The following SRRM3 variants were observed in gnomAD, a reference collection of about 807,000 sequenced individuals.
SRRM3 encodes the protein serine/arginine repetitive matrix protein 3.
Under a neutral mutation model 66.2 loss-of-function variants are expected in SRRM3, and 27 were observed. That is an observed-to-expected ratio of 0.41 (90% CI 0.30 to 0.56). SRRM3 has a LOEUF of 0.56. Ranked by LOEUF, SRRM3 falls within the 20% of genes least tolerant of loss-of-function variation. SRRM3 has a pLI of 0.32. For synonymous variants in SRRM3, 391 were observed against 414.9 expected, an observed-to-expected ratio of 0.94 and a Z score of 0.70; for missense variants, 918 against 991.9, an observed-to-expected ratio of 0.93 and a Z score of 1.00.
chr7:76,266,279 T>TAAA (rs1563635107), intron 10 of SRRM3, among the ~76,000 whole-genome samples: 1 of 118,238 alleles, frequency 8.5e-6, no homozygotes, highest in African/African-American at 3.5e-5. Context: ...TTTAATTATA[T>TAAA]TATATATTTA....
intron 1 of SRRM3, among the ~76,000 whole-genome samples, chr7:76,229,713 T>G (rs976249231): frequency 6.6e-5 from 10 of 151,962 alleles, no homozygotes; most frequent in Non-Finnish European, 7.4e-5. Context: ...CACTTTTCAC[T>G]ATCCTGTTTC....
chr7:76,237,410 T>C (rs1462490374), intron 2 of SRRM3, among the ~76,000 whole-genome samples: 2 of 150,548 alleles, frequency 1.3e-5, no homozygotes, highest in East Asian at 1.9e-4. Flanking sequence ...CGTCTCAAAA[T>C]AAAAATAAAA....
chr7:76,268,946 T>C (rs751066358), intron 11 of SRRM3: 1 of 152,192 alleles, frequency 6.6e-6, no homozygotes, highest in Non-Finnish European at 1.5e-5. Context: ...CTTGCCAGCT[T>C]CTCATCCACC....
intron 1 of SRRM3, among the ~76,000 whole-genome samples, chr7:76,230,421 A>C (rs963384734): frequency 3.9e-5 from 6 of 152,126 alleles, no homozygotes; most frequent in African/African-American, 1.4e-4. Flanking sequence ...AGGCCGAAGC[A>C]GGAAGATCAC....
chr7:76,261,495 C>A, intron 7 of SRRM3, 51 bp from the exon 8 acceptor site: 1 of 1,603,206 alleles, frequency 6.2e-7, no homozygotes, highest in African/African-American at 1.3e-5. Context: ...CCATAGGTCT[C>A]CCCTGGGCCA....
At chr7:76,206,119 C>G (rs536156231) in intron 1 of SRRM3, among the ~76,000 whole-genome samples, 4 of 151,998 alleles carry the variant, frequency 2.6e-5, no homozygotes, top group Admixed American at 2.0e-4. Flanking sequence ...GTGATCCTCC[C>G]GCCTCAGCCT....
chr7:76,242,596 G>C (rs1207159342), intron 2 of SRRM3, among the ~76,000 whole-genome samples: 3 of 152,104 alleles, frequency 2.0e-5, no homozygotes, highest in African/African-American at 7.2e-5. Flanking sequence ...ATTATTATTA[G>C]ACTGTATTAT....
chr7:76,260,242 G>C, intron 5 of SRRM3, 45 bp downstream of exon 5: 1 of 1,451,470 alleles, frequency 6.9e-7, no homozygotes, highest in Non-Finnish European at 9.2e-7. Flanking sequence ...GAGGAGGTGG[G>C]GTCTCTCCCC....
At chr7:76,234,090 GGGAATGAGGCCTCC>G (rs1801080676) in intron 1 of SRRM3, among the ~76,000 whole-genome samples, 2 of 132,176 alleles carry the variant, frequency 1.5e-5, no homozygotes, top group South Asian at 2.8e-4. Flanking sequence ...CCCACTCCCT[GGGAATGAGGCCTCC>G]CTGTTGCTTA....
At chr7:76,242,487 CA>C (rs139730192) in intron 2 of SRRM3, among the ~76,000 whole-genome samples, 5 of 138,056 alleles carry the variant, frequency 3.6e-5, no homozygotes, top group Non-Finnish European at 4.7e-5. Flanking sequence ...CTCTGTTTCC[CA>C]AAAAAAAAAG....
At chr7:76,274,903 T>C (rs1802302809) in intron 11 of SRRM3, among the ~76,000 whole-genome samples, 1 of 152,110 alleles carries the variant, frequency 6.6e-6, no homozygotes, top group Non-Finnish European at 1.5e-5. Context: ...GTCTGGAGTT[T>C]GAGACCAGCC....
chr7:76,258,783 G>A lies in SRRM3; in HGVS notation c.336-1123G>A, dbSNP rs1420002993. 7.3e-5 allele frequency among the ~76,000 whole-genome samples: 11 copies of A among 151,000 alleles called. No individual in the cohort carries two copies. In the South Asian group the frequency reaches 1.7e-3, roughly 23 times the overall value. ...AGGAAGAAATTAGAGTTCGCCGTGC[G>A]CGGTGGCTCACGCCTGTAATCCCAG... On this transcript the variant is annotated intron_variant, in intron 3 of 14. Transcript: ENST00000611745.
Position 76,276,200 on chromosome 7 carries a change from C to A in SRRM3, c.1009-5241C>A, listed in dbSNP as rs186760583. ...TCAGAGGCAGGCGAGGTCCCTGATT[C>A]ACTCACTCACTCACTCATTCATTCG... is the stretch of plus-strand genomic sequence containing the variant. On this transcript the variant is annotated intron_variant, in intron 11 of 14. Transcript: ENST00000611745. 5.1e-4 allele frequency among the ~76,000 whole-genome samples: 78 copies of A among 152,200 alleles called. No homozygotes were observed. The East Asian group carries it at 0.015, about 28-fold the overall frequency.
intron 1 of SRRM3, among the ~76,000 whole-genome samples, chr7:76,232,999 C>A (rs537074478): frequency 2.1e-4 from 32 of 151,668 alleles, no homozygotes; most frequent in African/African-American, 7.5e-4. Context: ...TAAATGTGAG[C>A]GATGTTGAGA....
chr7:76,281,924 C>G, intron 12 of SRRM3, 122 bp downstream of exon 12: 1 of 746,224 alleles, frequency 1.3e-6, no homozygotes, highest in Non-Finnish European at 1.7e-6. Context: ...GGATCCCAAC[C>G]CCCTCCCACC....
Position 76,282,710 on chromosome 7 carries a change from G to A in SRRM3, c.1433G>A (p.Gly478Asp), listed in dbSNP as rs1802557162. The A allele has an allele frequency of 2.1e-6, 3 of 1,423,598 alleles. No homozygotes were observed. Among genetic ancestry groups the A allele is most frequent in the Admixed American group, 3.0e-5 (1 of 33,564 alleles). The allele number at this position is 1,423,598 out of a possible 1,614,324, so 88.2% of individuals were successfully genotyped here. Reference sequence around the variant, plus strand: ...ACCTCTCCGTCCCCGGGCGCGCACGGCCGGCGCGGCGGCCCAGAAGGGAAG... The same window carrying A: ...ACCTCTCCGTCCCCGGGCGCGCACGACCGGCGCGGCGGCCCAGAAGGGAAG... ...ASTSPSPGAH[G>D]RRGGPEGKSS... Residue 478 changes from glycine (G) to aspartate (D), a missense_variant, in exon 13 of 15, where the codon GGC becomes GAC. Transcript: ENST00000611745.
chr7:76,226,439 G>T (rs572300725), intron 1 of SRRM3, among the ~76,000 whole-genome samples: 14 of 152,384 alleles, frequency 9.2e-5, no homozygotes, highest in African/African-American at 3.4e-4. Context: ...GCTGGCTCCA[G>T]CATCTGGGCT....
At chr7:76,267,716 C>A in intron 11 of SRRM3, 1 of 350,044 alleles carries the variant, frequency 2.9e-6, no homozygotes, top group Admixed American at 4.8e-5. Flanking sequence ...GGGGGTTGAC[C>A]GCGGGGCACT....
chr7:76,265,383 G>C lies in SRRM3; in HGVS notation c.745G>C (p.Gly249Arg). The C allele has an allele frequency of 6.2e-7, 1 of 1,601,638 alleles. No individual in the cohort carries two copies. Among genetic ancestry groups the C allele is most frequent in the African/African-American group, 1.3e-5 (1 of 74,160 alleles). The change falls in exon 10 of 15, where the codon GGC (glycine) becomes CGC (arginine). Residue 249 changes from glycine to arginine, a missense_variant. By Grantham distance (125) the Gly-to-Arg change is moderately radical. Coordinates refer to ENST00000611745, the MANE Select transcript of SRRM3 (RefSeq NM_001110199.3). ...CGCCAGGCCTCACACAGAGTCCCCA[G>C]GCCGGAGGTCTCATCGCCATAGCAG... is the stretch of plus-strand genomic sequence containing the variant. ...EKKRPHTESPGRRSHRHSSGS... is the reference protein window; with the variant it reads ...EKKRPHTESPRRRSHRHSSGS...
Sources: gnomAD v4.1 joint callset for allele counts (sites outside exome capture counted in the v4.1 genomes callset) on GRCh38, gnomAD v4.1.1 for gene constraint, MANE v1.5 for transcripts, NCBI Gene and HGNC (gene_info 2026-07-23, HGNC 2026-07-21) for gene names.